The following CTTNBP2 variants were observed in gnomAD, a reference collection of about 807,000 sequenced individuals.
CTTNBP2 encodes cortactin-binding protein 2.
In CTTNBP2, 108 loss-of-function variants were observed where a neutral mutation model predicts 156.9. The ratio of observed to expected loss-of-function variants is 0.69; its 90% CI spans 0.59 to 0.81. The LOEUF (loss-of-function observed/expected upper bound fraction) is 0.81. Among genes scored for constraint, CTTNBP2 ranks in the 30% least tolerant of loss-of-function variants. CTTNBP2 has a pLI of 0.00. For missense variants in CTTNBP2, 1,924 were observed against 2,035.4 expected (o/e 0.95, Z 1.05); for synonymous variants, 767 against 751.8 (o/e 1.02, Z -0.33).
At chr7:117,723,752 C>CTTTT (rs35193550) in intron 19 of CTTNBP2, among the ~76,000 whole-genome samples, 1 of 133,534 alleles carries the variant, frequency 7.5e-6, no homozygotes, top group African/African-American at 2.8e-5. Flanking sequence ...ACGGCAGGAT[C>CTTTT]TTTTTTTTTT....
At chr7:117,751,816 C>T (rs1354879465) in intron 12 of CTTNBP2, among the ~76,000 whole-genome samples, 1 of 152,204 alleles carries the variant, frequency 6.6e-6, no homozygotes, top group Non-Finnish European at 1.5e-5. Context: ...AACTTTTAGA[C>T]ATAACTGCTC....
At chr7:117,835,390 C>A (rs1801865549) in intron 2 of CTTNBP2, among the ~76,000 whole-genome samples, 1 of 152,204 alleles carries the variant, frequency 6.6e-6, no homozygotes, top group South Asian at 2.1e-4. Context: ...CAGACTGGAA[C>A]CTACTTTTCT....
Position 117,756,547 on chromosome 7 carries a change from C to T in CTTNBP2, c.3348+8G>A, listed in dbSNP as rs1449628542. The T allele has an allele frequency of 3.7e-6, 6 of 1,604,954 alleles. No individual in the cohort carries two copies. Among genetic ancestry groups the T allele is most frequent in the Non-Finnish European group, 5.1e-6 (6 of 1,171,784 alleles). The stretch of plus-strand genomic sequence containing the variant: ...AACACAGGTCTCCACCCAGCAGTGT[C>T]CACCTACCAGCCTGAGGTAGTTCTG... On this transcript the variant is annotated splice_region_variant and intron_variant, in intron 12 of 22. Coordinates refer to ENST00000160373, the MANE Select transcript of CTTNBP2 (RefSeq NM_033427.3).
chr7:117,789,295 G>A (rs1299437876), intron 4 of CTTNBP2, among the ~76,000 whole-genome samples: 2 of 152,188 alleles, frequency 1.3e-5, no homozygotes, highest in Admixed American at 1.3e-4. Flanking sequence ...AAGTGGCAAA[G>A]CCTCAAGGTC....
chr7:117,785,178 C>T (rs1798643864), intron 4 of CTTNBP2, among the ~76,000 whole-genome samples: 1 of 152,102 alleles, frequency 6.6e-6, no homozygotes, highest in Admixed American at 6.6e-5. Flanking sequence ...TTTTAATCAG[C>T]CAACAAAACA....
At chr7:117,799,227 C>T (rs1027525908) in intron 3 of CTTNBP2, among the ~76,000 whole-genome samples, 11 of 151,584 alleles carry the variant, frequency 7.3e-5, no homozygotes, top group Non-Finnish European at 1.2e-4. Flanking sequence ...ACAGAGAAAA[C>T]ATCTCTCTTG....
At chr7:117,837,284 T>C (rs967902216) in intron 2 of CTTNBP2, among the ~76,000 whole-genome samples, 2 of 152,148 alleles carry the variant, frequency 1.3e-5, no homozygotes, top group Non-Finnish European at 2.9e-5. Context: ...AAACCACCAA[T>C]AACAACAAAA....
At chr7:117,818,820 A>G (rs921079167) in intron 2 of CTTNBP2, among the ~76,000 whole-genome samples, 1 of 152,196 alleles carries the variant, frequency 6.6e-6, no homozygotes, top group South Asian at 2.1e-4. Flanking sequence ...TTGATGATTT[A>G]TTTACATGAT....
chr7:117,764,854 C>T (rs1042646911), intron 9 of CTTNBP2, among the ~76,000 whole-genome samples: 1 of 152,138 alleles, frequency 6.6e-6, no homozygotes, highest in East Asian at 1.9e-4. Flanking sequence ...TGTGCTTAGG[C>T]GAGGAGTAGT....
At chr7:117,742,120 T>A (rs1342860189) in intron 14 of CTTNBP2, among the ~76,000 whole-genome samples, 1 of 152,130 alleles carries the variant, frequency 6.6e-6, no homozygotes, top group Non-Finnish European at 1.5e-5. Context: ...AGAAGCGTCA[T>A]TTGAGGTGTC....
chr7:117,822,847 A>G (rs1414558989), intron 2 of CTTNBP2, among the ~76,000 whole-genome samples: 2 of 152,216 alleles, frequency 1.3e-5, no homozygotes, highest in Non-Finnish European at 2.9e-5. Flanking sequence ...AGAAATGTCA[A>G]TTCATCAAGG....
intron 3 of CTTNBP2, among the ~76,000 whole-genome samples, chr7:117,794,881 T>A (rs965313236): frequency 2.4e-5 from 3 of 125,950 alleles, no homozygotes; most frequent in African/African-American, 9.7e-5. Flanking sequence ...GTATATCTTT[T>A]TTTTTTTTTT....
chr7:117,791,466 G>T lies in CTTNBP2; in HGVS notation c.1730C>A (p.Ala577Asp). The change falls in exon 4 of 23, where the codon GCC becomes GAC. Residue 577 changes from alanine to aspartate, a missense_variant. Physicochemically the swap from Ala to Asp is moderately radical, Grantham distance 126. Transcript: ENST00000160373. Reference protein sequence around the residue: ...IDSSRASNTGAKVDNKTVAST... With the variant: ...IDSSRASNTGDKVDNKTVAST... ...AGCCACAGTTTTGTTATCAACTTTGGCCCCTGTGTTCGAGGCCCTGCTGCT... is the reference window on the plus strand; with the variant it reads ...AGCCACAGTTTTGTTATCAACTTTGTCCCCTGTGTTCGAGGCCCTGCTGCT... The T allele has an allele frequency of 6.2e-7, 1 of 1,614,186 alleles. No individual in the cohort carries two copies. The highest frequency in any genetic ancestry group is 8.5e-7 in the Non-Finnish European group (1 of 1,180,032).
chr7:117,732,242 A>G (rs1795441148), intron 16 of CTTNBP2, among the ~76,000 whole-genome samples: 1 of 152,156 alleles, frequency 6.6e-6, no homozygotes, highest in Non-Finnish European at 1.5e-5. Flanking sequence ...ACATGACCTA[A>G]AGGGAGTAAT....
intron 2 of CTTNBP2, among the ~76,000 whole-genome samples, chr7:117,830,883 C>T (rs1034177070): frequency 6.6e-6 from 1 of 152,108 alleles, no homozygotes; most frequent in African/African-American, 2.4e-5. Flanking sequence ...TTGAACTCCA[C>T]TTTGGAGATG....
At chr7:117,777,837 C>A in intron 7 of CTTNBP2, 72 bp from the exon 8 acceptor site, 1 of 1,443,936 alleles carries the variant, frequency 6.9e-7, no homozygotes. Context: ...ATTGAAAGTT[C>A]ACTTCTAAAT....
chr7:117,737,341 T>C (rs1461305540), intron 14 of CTTNBP2, among the ~76,000 whole-genome samples: 8 of 152,192 alleles, frequency 5.3e-5, no homozygotes, highest in Non-Finnish European at 1.2e-4. Context: ...GGTTTATGTA[T>C]CTGGTTTTCT....
Position 117,792,039 on chromosome 7 carries a change from G to T in CTTNBP2, c.1157C>A (p.Pro386Gln). Reference sequence around the variant, plus strand: ...TGGATCTGGTGTTGAGCCAGTGCTTGGTCCATTTTCCTCAATTTTGTTTGC... The same window carrying T: ...TGGATCTGGTGTTGAGCCAGTGCTTTGTCCATTTTCCTCAATTTTGTTTGC... ...PSANKIEENG[P>Q]STGSTPDPTS... is the part of the protein sequence containing the mutation. Residue 386 changes from proline to glutamine, a missense_variant, in exon 4 of 23, where the codon CCA (proline) becomes CAA (glutamine). Transcript: ENST00000160373. The surrounding 1 kb of genome is among the most constrained non-coding windows in gnomAD (Gnocchi z 4.2). 6.2e-7 allele frequency: 1 copy of T among 1,614,102 alleles called. No individual in the cohort carries two copies.
At chr7:117,873,270 G>C (rs1804754290) in intron 1 of CTTNBP2, 65 bp downstream of exon 1, 18 of 1,216,702 alleles carry the variant, frequency 1.5e-5, no homozygotes, top group Non-Finnish European at 1.8e-5. Flanking sequence ...GTCCGGCTGG[G>C]ACCCCGGCGC....
Sources: gnomAD v4.1 joint callset for allele counts (sites outside exome capture counted in the v4.1 genomes callset) on GRCh38, gnomAD v4.1.1 for gene constraint, Gnocchi (gnomAD v3.1) non-coding constraint, MANE v1.5 for transcripts, NCBI Gene and HGNC (gene_info 2026-07-23, HGNC 2026-07-21) for gene names.